Variants in ZFHX4 observed in about 807,000 individuals in gnomAD.
ZFHX4 encodes zinc finger homeobox 4, also known as zinc finger homeobox protein 4.
ZFHX4 carries 56 observed loss-of-function variants against 267.6 expected under a neutral mutation model. The ratio of observed to expected loss-of-function variants is 0.21; its 90% CI spans 0.17 to 0.26. The LOEUF (loss-of-function observed/expected upper bound fraction) is 0.26, where lower values mean the gene tolerates loss of function less well. Among genes scored for constraint, ZFHX4 ranks in the 10% least tolerant of loss-of-function variants. The pLI is 1.00. For synonymous variants in ZFHX4, 1,778 were observed against 1,665.6 expected (o/e 1.07, Z -1.64); for missense variants, 4,332 against 4,420.0 (o/e 0.98, Z 0.56).
chr8:76,798,706 G>T (rs1486435610), intron 4 of ZFHX4, among the ~76,000 whole-genome samples: 1 of 152,168 alleles, frequency 6.6e-6, no homozygotes, highest in Non-Finnish European at 1.5e-5. Flanking sequence ...TAGTGGAAAG[G>T]AATTAAAAAT....
At chr8:76,805,816 T>G (rs1275124030) in intron 4 of ZFHX4, among the ~76,000 whole-genome samples, 2 of 151,948 alleles carry the variant, frequency 1.3e-5, no homozygotes, top group African/African-American at 4.8e-5. Flanking sequence ...TAAAGTGATA[T>G]GAAACCTTTC....
intron 4 of ZFHX4, among the ~76,000 whole-genome samples, chr8:76,784,581 A>G (rs1810639120): frequency 6.6e-6 from 1 of 151,972 alleles, no homozygotes; most frequent in Non-Finnish European, 1.5e-5. Flanking sequence ...ATGACAGTCA[A>G]GCTCCACTCT....
At chr8:76,845,977 G>A (rs986265253) in intron 6 of ZFHX4, among the ~76,000 whole-genome samples, 1 of 151,802 alleles carries the variant, frequency 6.6e-6, no homozygotes, top group Non-Finnish European at 1.5e-5. Context: ...CTGATCTAGG[G>A]TAATCAACAG....
chr8:76,810,999 A>T (rs1333049765), intron 4 of ZFHX4, among the ~76,000 whole-genome samples: 1 of 152,104 alleles, frequency 6.6e-6, no homozygotes, highest in Admixed American at 6.6e-5. Flanking sequence ...AATGAGCCCG[A>T]CGCTCTGCTT....
intron 4 of ZFHX4, among the ~76,000 whole-genome samples, chr8:76,798,682 C>G (rs1811044509): frequency 6.6e-6 from 1 of 152,204 alleles, no homozygotes; most frequent in African/African-American, 2.4e-5. Context: ...TGAATTACTT[C>G]TAGGTATAAA....
Position 76,709,674 on chromosome 8 carries a change from C to A in ZFHX4, c.3093+1626C>A, listed in dbSNP as rs562108726. Among the ~76,000 whole-genome samples, 277 of 151,976 alleles carry A rather than the reference C, an allele frequency of 1.8e-3. 1 individual carries two copies. Among genetic ancestry groups the A allele is most frequent in the African/African-American group, 6.4e-3 (264 of 41,428 alleles). On this transcript the variant is annotated intron_variant, in intron 3 of 10. Coordinates refer to ENST00000651372, the MANE Select transcript of ZFHX4 (RefSeq NM_024721.5). ...TGGAAGATATAAATGTATAAATTTT[C>A]TATTTTTTAATCTTTTGTGGGAACC...
intron 3 of ZFHX4, among the ~76,000 whole-genome samples, chr8:76,730,284 T>A (rs1256965198): frequency 6.6e-6 from 1 of 152,172 alleles, no homozygotes; most frequent in African/African-American, 2.4e-5. Flanking sequence ...AACAAAGAGA[T>A]AATGACTGAA....
At chr8:76,779,301 T>C (rs1476900853) in intron 4 of ZFHX4, among the ~76,000 whole-genome samples, 1 of 152,178 alleles carries the variant, frequency 6.6e-6, no homozygotes, top group Admixed American at 6.5e-5. Flanking sequence ...TAGGTGGTGT[T>C]TTAAATCTGT....
At chr8:76,712,935 C>A (rs1808464976) in intron 3 of ZFHX4, among the ~76,000 whole-genome samples, 1 of 152,000 alleles carries the variant, frequency 6.6e-6, no homozygotes, top group African/African-American at 2.4e-5. Context: ...AAAACAGTTT[C>A]TCTAGTAGAA....
chr8:76,850,281 C>G lies in ZFHX4; in HGVS notation c.3883C>G (p.Leu1295Val). 1.9e-6 allele frequency: 3 copies of G among 1,613,252 alleles called. No homozygotes were observed. The highest frequency in any genetic ancestry group is 2.5e-6 in the Non-Finnish European group (3 of 1,179,690). The change falls in exon 9 of 11, where the codon CTA becomes GTA. Residue 1295 changes from leucine to valine, a missense_variant. Transcript: ENST00000651372. Reference protein sequence around the residue: ...VPDVMMPNSMLLPAAASEKSE... With the variant: ...VPDVMMPNSMVLPAAASEKSE... Reference sequence around the variant, plus strand: ...TGATGTGATGATGCCAAACAGTATGCTACTGCCAGCAGCTGCCTCTGAGAA... The same window carrying G: ...TGATGTGATGATGCCAAACAGTATGGTACTGCCAGCAGCTGCCTCTGAGAA...
intron 10 of ZFHX4, among the ~76,000 whole-genome samples, chr8:76,860,491 T>G (rs938748903): frequency 6.6e-6 from 1 of 152,148 alleles, no homozygotes; most frequent in Non-Finnish European, 1.5e-5. Context: ...TATTTTTTCA[T>G]GTCTCCATTC....
intron 9 of ZFHX4, 26 bp downstream of exon 9, chr8:76,850,388 G>A (rs1473110404): frequency 6.4e-7 from 1 of 1,561,400 alleles, no homozygotes; most frequent in Non-Finnish European, 8.8e-7. Flanking sequence ...ATCAAGACTT[G>A]TGAACAATAC....
intron 3 of ZFHX4, among the ~76,000 whole-genome samples, chr8:76,717,950 A>G (rs1247335810): frequency 2.6e-5 from 4 of 152,192 alleles, no homozygotes; most frequent in Admixed American, 2.0e-4. Flanking sequence ...GACTTAAAAT[A>G]TTTCTAACTA....
intron 3 of ZFHX4, among the ~76,000 whole-genome samples, chr8:76,727,497 A>C (rs1808884348): frequency 6.6e-6 from 1 of 152,156 alleles, no homozygotes. Context: ...TAAGTGACTC[A>C]GTCACTGTCC....
chr8:76,779,782 T>G (rs1810501122), intron 4 of ZFHX4, among the ~76,000 whole-genome samples: 1 of 152,170 alleles, frequency 6.6e-6, no homozygotes, highest in East Asian at 1.9e-4. Flanking sequence ...ACGATTTTTC[T>G]CTGCAGAGAC....
At chr8:76,723,313 C>T (rs1339520622) in intron 3 of ZFHX4, among the ~76,000 whole-genome samples, 1 of 151,974 alleles carries the variant, frequency 6.6e-6, no homozygotes, top group Non-Finnish European at 1.5e-5. Context: ...GATTAGCATT[C>T]ACTTAATGCT....
rs868565415 is a variant in ZFHX4, at chr8:76,854,183, C to T, written c.7262C>T (p.Pro2421Leu). Residue 2421 changes from proline (P) to leucine (L), a missense_variant, in exon 10 of 11, where the codon CCT (proline) becomes CTT (leucine). By Grantham distance (98) the Pro-to-Leu change is moderately conservative (BLOSUM62 -3). Coordinates refer to ENST00000651372, the MANE Select transcript of ZFHX4 (RefSeq NM_024721.5). ...CCAAAGCAGAGTGACCCCTCTCCCC[C>T]TTCTCAAGGCACCAAACCAGCCCTG... ...EKPKQSDPSPPSQGTKPALPL... is the reference protein window; with the variant it reads ...EKPKQSDPSPLSQGTKPALPL... 2.5e-6 allele frequency: 4 copies of T among 1,576,510 alleles called. No homozygotes were observed. Among genetic ancestry groups the T allele is most frequent in the Middle Eastern group, 1.7e-4 (1 of 6,026 alleles).
At chr8:76,767,097 GACA>G (rs1425094618) in intron 3 of ZFHX4, among the ~76,000 whole-genome samples, 4 of 151,822 alleles carry the variant, frequency 2.6e-5, no homozygotes, top group Non-Finnish European at 5.9e-5. Context: ...GTGTATGTGA[GACA>G]ACGTGACACT....
intron 1 of ZFHX4, 47 bp downstream of exon 1, chr8:76,681,667 G>A (rs35995348): frequency 7.8e-6 from 3 of 386,794 alleles, no homozygotes; most frequent in Non-Finnish European, 1.4e-5. Context: ...GTTAAATTTA[G>A]GTCGAGTATC....
Sources: gnomAD v4.1 joint callset for allele counts (sites outside exome capture counted in the v4.1 genomes callset) on GRCh38, gnomAD v4.1.1 for gene constraint, MANE v1.5 for transcripts, NCBI Gene and HGNC (gene_info 2026-07-23, HGNC 2026-07-21) for gene names.